PASK: variants seen among roughly 807,000 people sequenced by gnomAD.
The protein encoded by PASK is PAS domain-containing serine/threonine-protein kinase.
PASK carries 110 observed loss-of-function variants against 121.0 expected under a neutral mutation model. The observed-to-expected ratio is 0.91, with a 90% CI of 0.78 to 1.06. PASK has a LOEUF of 1.06. Ranked by LOEUF, PASK falls within the 50% of genes least tolerant of loss-of-function variation. PASK has a pLI of 0.00. For synonymous variants in PASK, 686 were observed against 717.8 expected, an observed-to-expected ratio of 0.96 and a Z score of 0.71; for missense variants, 1,643 against 1,702.3, an observed-to-expected ratio of 0.97 and a Z score of 0.61.
At position 241,140,002 on chromosome 2, in the gene PASK, G is replaced by A. The variant is rs760629244; in HGVS notation, c.483C>T (p.Asp161=). The A allele has an allele frequency of 1.9e-6, 3 of 1,613,930 alleles. No homozygotes were observed. The highest frequency in any genetic ancestry group is 2.2e-5 in the East Asian group (1 of 44,884). ...ACTGCGTGAGCTTCTGGCCAATCAG[G>A]TCCTGGCTGCTGTACCCCAGGAGCC... ...ACGLLGYSSQ[D]LIGQKLTQFF... The change falls in exon 4 of 18, where the codon GAC becomes GAT. Residue 161 remains aspartate, a synonymous_variant. Transcript: ENST00000234040.
At chr2:241,149,721 G>C (rs1246334033), upstream of PASK, 4 of 1,549,826 alleles carry the variant, frequency 2.6e-6, no homozygotes, top group East Asian at 2.4e-5. Flanking sequence ...GAGTAGCGCA[G>C]AGCTCGCCTC....
intron 14 of PASK, chr2:241,113,442 A>G (rs1388153783): frequency 8.5e-6 from 1 of 117,200 alleles, no homozygotes; most frequent in African/African-American, 2.7e-5. Flanking sequence ...ACATACATTT[A>G]GATACATACA....
intron 7 of PASK, among the ~76,000 whole-genome samples, chr2:241,136,486 C>T (rs968630596): frequency 2.0e-5 from 3 of 152,122 alleles, no homozygotes; most frequent in African/African-American, 4.8e-5. Context: ...TGTGTGGCCC[C>T]CTCACCGGGA....
At chr2:241,132,565 A>G (rs1173124511) in intron 9 of PASK, among the ~76,000 whole-genome samples, 2 of 151,200 alleles carry the variant, frequency 1.3e-5, no homozygotes, top group Non-Finnish European at 2.9e-5. Flanking sequence ...GAAAATGATA[A>G]AATTATGATT....
chr2:241,143,211 G>A (rs556862042), intron 1 of PASK, 137 bp from the exon 2 acceptor site: 18 of 660,716 alleles, frequency 2.7e-5, no homozygotes, highest in African/African-American at 2.5e-4. Flanking sequence ...GTCAGAACCC[G>A]CAATGGGAGA....
intron 12 of PASK, among the ~76,000 whole-genome samples, chr2:241,121,449 G>A (rs2065606636): frequency 6.6e-6 from 1 of 151,950 alleles, no homozygotes; most frequent in Non-Finnish European, 1.5e-5. Context: ...AAAAATAGAG[G>A]GGAAAATAAC....
At position 241,112,563 on chromosome 2, in the gene PASK, G is replaced by T. The variant is rs1471798477; in HGVS notation, c.3334-124C>A. On this transcript the variant is annotated intron_variant, in intron 14 of 17. Coordinates refer to ENST00000234040, the MANE Select transcript of PASK (RefSeq NM_015148.4). The surrounding 1 kb of genome is among the most constrained non-coding windows in gnomAD (Gnocchi z 5.2). ...AAACCTCCGACTCATAATGAACTGGGGACAGGAAAGATTTTTCAATGCTGA... is the reference window on the plus strand; with the variant it reads ...AAACCTCCGACTCATAATGAACTGGTGACAGGAAAGATTTTTCAATGCTGA... The T allele has an allele frequency of 1.4e-5, 9 of 649,220 alleles. No individual in the cohort carries two copies. Among genetic ancestry groups the T allele is most frequent in the Admixed American group, 2.9e-5 (1 of 34,378 alleles). 40.2% of individuals were successfully genotyped at this position (649,220 alleles called of 1,614,324 possible).
chr2:241,138,887 C>T (rs2125449696), intron 4 of PASK, 93 bp from the exon 5 acceptor site: 4 of 1,212,604 alleles, frequency 3.3e-6, no homozygotes, highest in African/African-American at 1.5e-5. Flanking sequence ...AAACTCCAGG[C>T]ACTGCAACGT....
chr2:241,114,932 G>A (rs1187096869), intron 14 of PASK, 111 bp downstream of exon 14: 32 of 1,591,574 alleles, frequency 2.0e-5, no homozygotes, highest in Non-Finnish European at 2.7e-5. Flanking sequence ...CACACAGAAG[G>A]CTAGATCCAG....
Position 241,114,146 on chromosome 2 carries a change from A to T in PASK, c.3333+897T>A. 4 of 985,250 alleles carry T rather than the reference A, an allele frequency of 4.1e-6. No homozygotes were observed. In the South Asian group the frequency reaches 1.9e-4, roughly 46 times the overall value. 61.0% of individuals were successfully genotyped at this position (985,250 alleles called of 1,614,324 possible). A position where few individuals can be genotyped will look rare whatever the true frequency, so the allele number is the denominator to read the frequency against. On this transcript the variant is annotated intron_variant, in intron 14 of 17. Transcript: ENST00000234040. ...GTTTCAGAAACAAGTGTTGGCCACAAACTAAAGGGAGGACGTCACCTTCCA... is the reference window on the plus strand; with the variant it reads ...GTTTCAGAAACAAGTGTTGGCCACATACTAAAGGGAGGACGTCACCTTCCA...
chr2:241,147,634 AT>A (rs2067014720), intron 1 of PASK, among the ~76,000 whole-genome samples: 1 of 152,212 alleles, frequency 6.6e-6, no homozygotes, highest in Non-Finnish European at 1.5e-5. Context: ...AAATAAAATA[AT>A]AAAAAAGTAA....
At chr2:241,106,766 A>C (rs2064902163) in intron 17 of PASK, 43 bp from the exon 18 acceptor site, 1 of 1,593,572 alleles carries the variant, frequency 6.3e-7, no homozygotes, top group Non-Finnish European at 8.6e-7. Flanking sequence ...CTAACAACTT[A>C]AGGTTCTAAA....
intron 1 of PASK, among the ~76,000 whole-genome samples, chr2:241,144,097 G>A (rs1450902967): frequency 6.6e-6 from 1 of 151,902 alleles, no homozygotes; most frequent in African/African-American, 2.4e-5. Flanking sequence ...TGTGTGTGTG[G>A]GTGTGCGTGT....
intron 9 of PASK, among the ~76,000 whole-genome samples, chr2:241,128,722 C>G (rs1191744914): frequency 1.3e-5 from 2 of 152,060 alleles, no homozygotes; most frequent in African/African-American, 4.8e-5. Context: ...TAAAAATTAG[C>G]CAGCGTGGTG....
chr2:241,112,188 A>G lies in PASK; in HGVS notation c.3533+52T>C. On this transcript the variant is annotated intron_variant, in intron 15 of 17. Transcript: ENST00000234040. The surrounding 1 kb of genome is among the most constrained non-coding windows in gnomAD (Gnocchi z 5.2). ...TCCCACCCAAAATCAAGCCACCCTC[A>G]GGGTCCTGACAGAGGACACGAGGAC... The G allele has an allele frequency of 1.4e-6, 2 of 1,397,480 alleles. No homozygotes were observed. Among genetic ancestry groups the G allele is most frequent in the Non-Finnish European group, 2.0e-6 (2 of 982,758 alleles). 86.6% of individuals were successfully genotyped at this position (1,397,480 alleles called of 1,614,324 possible). A position where few individuals can be genotyped will look rare whatever the true frequency, so the allele number is the denominator to read the frequency against.
At chr2:241,128,478 C>A (rs2065976914) in intron 9 of PASK, among the ~76,000 whole-genome samples, 1 of 152,204 alleles carries the variant, frequency 6.6e-6, no homozygotes, top group South Asian at 2.1e-4. Flanking sequence ...CTGGCCTCCA[C>A]ATGACAGACT....
In PASK at chr2:241,127,309, C is replaced by T; in HGVS notation, c.1606G>A (p.Glu536Lys). The T allele has an allele frequency of 6.2e-7, 1 of 1,614,262 alleles. No individual in the cohort carries two copies. Among genetic ancestry groups the T allele is most frequent in the African/African-American group, 1.3e-5 (1 of 75,068 alleles). Residue 536 changes from glutamate (E) to lysine (K), a missense_variant, in exon 10 of 18, where the codon GAA (glutamate) becomes AAA (lysine). Around this residue, in one of 3 missense-constraint regions of PASK, gnomAD observed 1,176 missense variants for 1,162.2 expected, o/e 1.01. Transcript: ENST00000234040. Reference protein sequence around the residue: ...GQDLLGESRSEPVDVKPFASC... With the variant: ...GQDLLGESRSKPVDVKPFASC... ...GCAAATGGCTTCACATCCACTGGTT[C>T]AGACCTGCTTTCTCCCAGAAGATCC...
Position 241,133,040 on chromosome 2 carries a change from A to G in PASK, c.1307-10T>C. ...ACATTAATCCTTGGATCTGGCAGCAACACCAAAAAAGAGCGTTTGCTCTTC... is the reference window on the plus strand; with the variant it reads ...ACATTAATCCTTGGATCTGGCAGCAGCACCAAAAAAGAGCGTTTGCTCTTC... On this transcript the variant is annotated splice_polypyrimidine_tract_variant and intron_variant, in intron 8 of 17. Coordinates refer to ENST00000234040, the MANE Select transcript of PASK (RefSeq NM_015148.4). 2.5e-6 allele frequency: 4 copies of G among 1,614,026 alleles called. No individual in the cohort carries two copies. The South Asian group carries it at 3.3e-5, about 13-fold the overall frequency.
chr2:241,116,812 G>A (rs2041084), intron 12 of PASK, among the ~76,000 whole-genome samples: 31,462 of 152,224 alleles, frequency 0.21, 4,943 homozygotes, highest in East Asian at 0.44. Context: ...GCAACCCAGC[G>A]GGTGCCAACC....
Sources: allele counts gnomAD v4.1 joint callset (sites outside exome capture counted in the v4.1 genomes callset), GRCh38; gene constraint gnomAD v4.1.1; regional missense constraint gnomAD v4.1.1; non-coding constraint Gnocchi (gnomAD v3.1); transcripts MANE v1.5; gene names NCBI Gene and HGNC (gene_info 2026-07-23, HGNC 2026-07-21).